NFE2L3: variants seen among roughly 807,000 people sequenced by gnomAD.
NFE2L3 encodes the protein NFE2 like bZIP transcription factor 3.
Under a neutral mutation model 23.5 loss-of-function variants are expected in NFE2L3, and 18 were observed. That is an observed-to-expected ratio of 0.77 (90% CI 0.53 to 1.13). The LOEUF (loss-of-function observed/expected upper bound fraction) is 1.13. NFE2L3 is among the 50% of genes most tolerant of loss of function. The pLI, the probability that NFE2L3 is intolerant of heterozygous loss-of-function variation, is 0.00. For synonymous variants in NFE2L3, 424 were observed against 354.5 expected (o/e 1.20, Z -2.20); for missense variants, 1,152 against 877.2 (o/e 1.31, Z -3.96).
At chr7:26,171,372 C>T (rs1273332312) in intron 1 of NFE2L3, among the ~76,000 whole-genome samples, 7 of 151,998 alleles carry the variant, frequency 4.6e-5, no homozygotes, top group African/African-American at 1.7e-4. Context: ...GGTGAAACCT[C>T]GTTTCTACTA....
chr7:26,176,109 T>C (rs1784400711), intron 1 of NFE2L3, among the ~76,000 whole-genome samples: 1 of 151,180 alleles, frequency 6.6e-6, no homozygotes, highest in Admixed American at 6.6e-5. Context: ...AAGCACATCT[T>C]GCACCGCCCT....
In NFE2L3 at chr7:26,152,445, G is replaced by GGGGCGCCGGGACCCGC; in HGVS notation, c.-44_-29dup. On this transcript the variant is annotated 5_prime_UTR_variant, in exon 1 of 4. Coordinates refer to ENST00000056233, the MANE Select transcript of NFE2L3 (RefSeq NM_004289.7). The surrounding 1 kb of genome is among the most constrained non-coding windows in gnomAD (Gnocchi z 4.4). ...GTCCGCACGTGTCACCCCGGCGGCTGGGGCGCCGGGACCCGCGGGCGCCGG... is the reference window on the plus strand; with the variant it reads ...GTCCGCACGTGTCACCCCGGCGGCTGGGGCGCCGGGACCCGCGGGCGCCGGGACCCGCGGGCGCCGG... The GGGGCGCCGGGACCCGC allele has an allele frequency of 8.4e-7, 1 of 1,187,036 alleles. No individual in the cohort carries two copies. The highest frequency in any genetic ancestry group is 1.6e-5 in the African/African-American group (1 of 62,726). The allele number at this position is 1,187,036 out of a possible 1,614,324, so 73.5% of individuals were successfully genotyped here. A position where few individuals can be genotyped will look rare whatever the true frequency, so the allele number is the denominator to read the frequency against.
intron 1 of NFE2L3, among the ~76,000 whole-genome samples, chr7:26,160,110 C>T (rs1290705729): frequency 6.6e-6 from 1 of 152,154 alleles, no homozygotes; most frequent in East Asian, 1.9e-4. Flanking sequence ...TGCACCACTG[C>T]ACCTGGCTAA....
intron 1 of NFE2L3, among the ~76,000 whole-genome samples, chr7:26,176,086 C>T (rs1362933343): frequency 6.6e-6 from 1 of 151,820 alleles, no homozygotes; most frequent in African/African-American, 2.4e-5. Context: ...TGCCTTCAAG[C>T]ATCTGTTTAA....
intron 1 of NFE2L3, among the ~76,000 whole-genome samples, chr7:26,167,174 C>T (rs906254854): frequency 6.6e-6 from 1 of 152,174 alleles, no homozygotes; most frequent in Admixed American, 6.5e-5. Flanking sequence ...GCTTCTTACC[C>T]GGGTGGCAAA....
chr7:26,165,440 GCT>G lies in NFE2L3; in HGVS notation c.570+12375_570+12376del, dbSNP rs915723217. ...TGAATGGGAGTTCACTCATGATTTG[GCT>G]CTGTTTGTCTGTTATTGGTATATAA... On this transcript the variant is annotated intron_variant, in intron 1 of 3. Coordinates refer to ENST00000056233, the MANE Select transcript of NFE2L3 (RefSeq NM_004289.7). 3.9e-5 allele frequency among the ~76,000 whole-genome samples: 6 copies of G among 152,022 alleles called. No homozygotes were observed. In the East Asian group the frequency reaches 5.8e-4, roughly 15 times the overall value.
intron 2 of NFE2L3, among the ~76,000 whole-genome samples, chr7:26,178,818 T>C (rs1784459574): frequency 6.6e-6 from 1 of 152,152 alleles, no homozygotes; most frequent in Non-Finnish European, 1.5e-5. Context: ...TCGAGATATT[T>C]AATAACCACG....
chr7:26,170,209 A>T (rs973276816), intron 1 of NFE2L3, among the ~76,000 whole-genome samples: 1 of 152,162 alleles, frequency 6.6e-6, no homozygotes, highest in Non-Finnish European at 1.5e-5. Flanking sequence ...CTGATGTGAC[A>T]TGGTCCCCAG....
chr7:26,175,656 G>GT (rs1784390918), intron 1 of NFE2L3, among the ~76,000 whole-genome samples: 1 of 151,646 alleles, frequency 6.6e-6, no homozygotes, highest in South Asian at 2.1e-4. Context: ...CCGGGCACCT[G>GT]TAGTCCCAGT....
chr7:26,166,922 C>T (rs1784259679), intron 1 of NFE2L3, among the ~76,000 whole-genome samples: 1 of 152,194 alleles, frequency 6.6e-6, no homozygotes, highest in African/African-American at 2.4e-5. Flanking sequence ...ATCCCTCCTC[C>T]TCCAGATGAA....
chr7:26,155,581 C>T (rs1583924590), intron 1 of NFE2L3, among the ~76,000 whole-genome samples: 2 of 152,204 alleles, frequency 1.3e-5, no homozygotes, highest in East Asian at 3.8e-4. Context: ...TAAGTACCTA[C>T]ACGGTACTCA....
chr7:26,179,492 C>G (rs1305551699), intron 2 of NFE2L3, among the ~76,000 whole-genome samples: 1 of 149,838 alleles, frequency 6.7e-6, no homozygotes, highest in African/African-American at 2.5e-5. Context: ...AGAGTGAGAC[C>G]CTGTCTCAAA....
intron 1 of NFE2L3, among the ~76,000 whole-genome samples, chr7:26,169,676 C>T (rs1025763652): frequency 6.6e-6 from 1 of 152,256 alleles, no homozygotes; most frequent in African/African-American, 2.4e-5. Flanking sequence ...TCACAATAGG[C>T]TCTCAAGAAA....
rs372042665 is a variant in NFE2L3, at chr7:26,155,371, G to T, written c.570+2303G>T. ...GCACGAGAATCACTTGAATCTGGGC[G>T]GCGGAGGTTGCAGTGAGCCGAGATT... On this transcript the variant is annotated intron_variant, in intron 1 of 3. Coordinates refer to ENST00000056233, the MANE Select transcript of NFE2L3 (RefSeq NM_004289.7). Among the ~76,000 whole-genome samples the T allele has an allele frequency of 6.0e-4, 92 of 152,314 alleles. 1 individual carries two copies. Among genetic ancestry groups the T allele is most frequent in the African/African-American group, 2.1e-3 (89 of 41,556 alleles).
intron 3 of NFE2L3, chr7:26,184,332 C>T: frequency 1.9e-6 from 1 of 532,580 alleles, no homozygotes; most frequent in South Asian, 2.8e-5. Flanking sequence ...TTCTAGGTTA[C>T]TCAGAATTCC....
chr7:26,176,535 CA>C (rs1784410078), intron 1 of NFE2L3, among the ~76,000 whole-genome samples: 1 of 126,236 alleles, frequency 7.9e-6, no homozygotes. Flanking sequence ...GCGCTCCTCA[CA>C]TCCCAGACGG....
intron 2 of NFE2L3, among the ~76,000 whole-genome samples, chr7:26,179,777 C>A (rs1054091012): frequency 6.6e-6 from 1 of 152,140 alleles, no homozygotes; most frequent in Non-Finnish European, 1.5e-5. Flanking sequence ...GTGTGGCCTG[C>A]CCTGCTGATT....
At chr7:26,163,786 C>T (rs1375707617) in intron 1 of NFE2L3, among the ~76,000 whole-genome samples, 1 of 152,146 alleles carries the variant, frequency 6.6e-6, no homozygotes, top group Non-Finnish European at 1.5e-5. Context: ...AGGTATATCT[C>T]CTAATGCTAT....
rs370834547 is a variant in NFE2L3, at chr7:26,184,984, A to C, written c.1286A>C (p.Asn429Thr). The C allele has an allele frequency of 3.7e-6, 6 of 1,613,786 alleles. No individual in the cohort carries two copies. Among genetic ancestry groups the C allele is most frequent in the Non-Finnish European group, 3.4e-6 (4 of 1,179,834 alleles). ...CTTTCTTTAGATTCAAGTCACAATA[A>C]TACCTCTGTCATCAAGTCTAATTCC... is the stretch of plus-strand genomic sequence containing the variant. The part of the protein sequence containing the change: ...SGLSLDSSHN[N>T]TSVIKSNSSH... Residue 429 changes from asparagine (N) to threonine (T), a missense_variant, in exon 4 of 4, where the codon AAT becomes ACT. Transcript: ENST00000056233.
Sources: allele counts gnomAD v4.1 joint callset (sites outside exome capture counted in the v4.1 genomes callset), GRCh38; gene constraint gnomAD v4.1.1; non-coding constraint Gnocchi (gnomAD v3.1); transcripts MANE v1.5; gene names NCBI Gene and HGNC (gene_info 2026-07-23, HGNC 2026-07-21).